The following KIF18A variants were observed in gnomAD, a reference collection of about 807,000 sequenced individuals.
KIF18A encodes the protein kinesin-like protein KIF18A.
KIF18A carries 67 observed loss-of-function variants against 103.3 expected under a neutral mutation model. That is an observed-to-expected ratio of 0.65 (90% confidence interval 0.53 to 0.79). The LOEUF (loss-of-function observed/expected upper bound fraction) is 0.79, where lower values mean the gene tolerates loss of function less well. KIF18A is among the 30% of genes least tolerant of loss of function. The probability of loss-of-function intolerance (pLI) is 0.00; values close to 1 mark genes in which losing one functional copy is unlikely to be tolerated. For synonymous variants in KIF18A, 367 were observed against 355.5 expected (o/e 1.03, Z -0.36); for missense variants, 1,032 against 1,062.5 (o/e 0.97, Z 0.40).
chr11:28,089,617 T>C (rs573307823), intron 5 of KIF18A, among the ~76,000 whole-genome samples: 7 of 152,340 alleles, frequency 4.6e-5, no homozygotes, highest in African/African-American at 1.4e-4. Flanking sequence ...TTCAGCTCTG[T>C]TGTAATCTTA....
rs1165580293 is a variant in KIF18A at position 28,029,210 on chromosome 11, G to C, written c.2505-5360C>G. 2.6e-5 allele frequency among the ~76,000 whole-genome samples: 4 copies of C among 152,164 alleles called. No individual in the cohort carries two copies. The East Asian group carries it at 7.7e-4, about 29-fold the overall frequency. On this transcript the variant is annotated intron_variant, in intron 15 of 16. Coordinates refer to ENST00000263181, the MANE Select transcript of KIF18A (RefSeq NM_031217.4). ...CAGCATCATCCTGATACCAAAGCCT[G>C]GCAGAGACACAACAAAAAAAGAGAA...
At position 28,046,354 on chromosome 11, in the gene KIF18A, G is replaced by A. The variant is rs372730665; in HGVS notation, c.1949-9690C>T. 5.4e-5 allele frequency among the ~76,000 whole-genome samples: 8 copies of A among 148,424 alleles called. No individual in the cohort carries two copies. The Admixed American group carries it at 5.4e-4, about 10-fold the overall frequency. On this transcript the variant is annotated intron_variant, in intron 13 of 16. Transcript: ENST00000263181. ...AATGTGGCACATATACACCATGGAA[G>A]ACTATGCAGCCATAAAAAATGATGA...
rs534572889 is a variant in KIF18A at position 28,079,757 on chromosome 11, T to G, written c.1263-2588A>C. The stretch of plus-strand genomic sequence containing the variant: ...GTACTTTGGAAGTTTCCTAGATTCC[T>G]TATGGAGTAATTTCCAAACTTGTTT... On this transcript the variant is annotated intron_variant, in intron 9 of 16. Transcript: ENST00000263181. Among the ~76,000 whole-genome samples, 15 of 114,942 alleles carry G rather than the reference T, an allele frequency of 1.3e-4. No individual in the cohort carries two copies. The South Asian group carries it at 5.1e-3, about 39-fold the overall frequency. 75.4% of individuals were successfully genotyped at this position (114,942 alleles called of 152,430 possible). A position where few individuals can be genotyped will look rare whatever the true frequency, so the allele number is the denominator to read the frequency against.
rs750538787 is a variant in KIF18A at position 28,097,734 on chromosome 11, G to A, written c.214C>T (p.Leu72Phe). Residue 72 changes from leucine (L) to phenylalanine (F), a missense_variant, in exon 2 of 17, where the codon CTT becomes TTT. Physicochemically the swap from Leu to Phe is conservative, Grantham distance 22. Coordinates refer to ENST00000263181, the MANE Select transcript of KIF18A (RefSeq NM_031217.4). ...AAAACAGCATCAAATACAAATTTAA[G>A]ATCCTTATTTTGTTTCTTTATAACA... is the stretch of plus-strand genomic sequence containing the variant. ...QNVIKKQNKD[L>F]KFVFDAVFDE... 8.7e-6 allele frequency: 14 copies of A among 1,610,570 alleles called. No homozygotes were observed. The Admixed American group carries it at 2.2e-4, about 25-fold the overall frequency.
chr11:28,106,878 C>A (rs1210790086), intron 1 of KIF18A, among the ~76,000 whole-genome samples: 1 of 151,880 alleles, frequency 6.6e-6, no homozygotes, highest in Non-Finnish European at 1.5e-5. Flanking sequence ...GGCTGAGGCA[C>A]GAGAATTGCT....
intron 3 of KIF18A, among the ~76,000 whole-genome samples, chr11:28,093,614 A>G (rs1851330774): frequency 6.6e-6 from 1 of 152,204 alleles, no homozygotes; most frequent in Non-Finnish European, 1.5e-5. Context: ...AGAAGTCTCA[A>G]CTAGCCAAAT....
intron 13 of KIF18A, among the ~76,000 whole-genome samples, chr11:28,044,250 T>C (rs565023583): frequency 6.6e-6 from 1 of 152,130 alleles, no homozygotes; most frequent in South Asian, 2.1e-4. Flanking sequence ...ATAATAAATA[T>C]ATGCTGATTT....
Position 28,036,616 on chromosome 11 carries a change from C to CT in KIF18A, c.1996dup (p.Arg666LysfsTer29). 1 of 1,609,940 alleles carries CT rather than the reference C, an allele frequency of 6.2e-7. No homozygotes were observed. The highest frequency in any genetic ancestry group is 2.2e-5 in the East Asian group (1 of 44,762). On this transcript the variant is annotated frameshift_variant, in exon 14 of 17. Transcript: ENST00000263181. LOFTEE classifies it high-confidence loss of function. ...AGATGGCATTAGTTTTCTCCGAGTT[C>CT]TTTTTTCTGTAGGAATCTTAACCAG...
rs1014564420 is a variant in KIF18A, at chr11:28,097,622, C to A, written c.325+1G>T. On this transcript the variant is annotated splice_donor_variant, in intron 2 of 16. Transcript: ENST00000263181. LOFTEE classifies it high-confidence loss of function. The stretch of plus-strand genomic sequence containing the variant: ...ATTAAATCCCAAATTGAAACAAATA[C>A]CTGTGCAATTATATCCATTCAAAAA... The A allele has an allele frequency of 1.1e-5, 17 of 1,566,066 alleles. No individual in the cohort carries two copies. The highest frequency in any genetic ancestry group is 1.5e-5 in the Non-Finnish European group (17 of 1,136,894).
chr11:28,031,561 T>C (rs544195261), intron 15 of KIF18A, among the ~76,000 whole-genome samples: 2 of 151,872 alleles, frequency 1.3e-5, no homozygotes, highest in South Asian at 4.2e-4. Context: ...GGGAAAGCAT[T>C]AGGAGATATA....
intron 6 of KIF18A, among the ~76,000 whole-genome samples, chr11:28,085,605 T>C (rs1028322640): frequency 6.6e-5 from 10 of 152,142 alleles, no homozygotes; most frequent in Admixed American, 6.5e-5. Flanking sequence ...ATCACGTGAC[T>C]TGCCTCACCT....
At chr11:28,035,563 A>G in intron 14 of KIF18A, 69 bp from the exon 15 acceptor site, 1 of 831,356 alleles carries the variant, frequency 1.2e-6, no homozygotes, top group South Asian at 2.6e-5. Context: ...AAGGAAGCAA[A>G]TGTGTCCATA....
At chr11:28,062,816 C>T (rs1850872437) in intron 11 of KIF18A, among the ~76,000 whole-genome samples, 1 of 151,832 alleles carries the variant, frequency 6.6e-6, no homozygotes, top group Non-Finnish European at 1.5e-5. Flanking sequence ...TAAATATGAC[C>T]AGTTTTTGCT....
intron 13 of KIF18A, among the ~76,000 whole-genome samples, chr11:28,058,085 T>C (rs1850805277): frequency 6.6e-6 from 1 of 152,160 alleles, no homozygotes. Context: ...GAGTTGAAGG[T>C]GGCAGTCTAC....
intron 14 of KIF18A, among the ~76,000 whole-genome samples, 196 bp from the exon 15 acceptor site, chr11:28,035,690 A>G (rs1240541500): frequency 6.6e-6 from 1 of 151,564 alleles, no homozygotes; most frequent in Non-Finnish European, 1.5e-5. Flanking sequence ...AGTTGCTATC[A>G]AGAGATTTCT....
intron 13 of KIF18A, among the ~76,000 whole-genome samples, chr11:28,038,166 A>G (rs1850518166): frequency 6.6e-6 from 1 of 151,602 alleles, no homozygotes; most frequent in South Asian, 2.1e-4. Context: ...TAGTTGGGTA[A>G]TTCTTGGTCC....
chr11:28,054,850 A>T (rs1290191469), intron 13 of KIF18A, among the ~76,000 whole-genome samples: 1 of 152,230 alleles, frequency 6.6e-6, no homozygotes, highest in East Asian at 1.9e-4. Context: ...TTCCTTCAAA[A>T]ATATCATGAG....
At chr11:28,053,121 G>A (rs1590679550) in intron 13 of KIF18A, among the ~76,000 whole-genome samples, 2 of 152,142 alleles carry the variant, frequency 1.3e-5, no homozygotes, top group East Asian at 1.9e-4. Context: ...AGACTGCATA[G>A]GCATGAACCT....
chr11:28,104,755 T>G (rs2133572030), intron 1 of KIF18A, among the ~76,000 whole-genome samples: 1 of 152,244 alleles, frequency 6.6e-6, no homozygotes, highest in Admixed American at 6.5e-5. Context: ...TGTCAAATAT[T>G]TAGGACCCAA....
Sources: gnomAD v4.1 joint callset for allele counts (sites outside exome capture counted in the v4.1 genomes callset) on GRCh38, gnomAD v4.1.1 for gene constraint, MANE v1.5 for transcripts, NCBI Gene and HGNC (gene_info 2026-07-23, HGNC 2026-07-21) for gene names.